The following BFAR variants were observed in gnomAD, a reference collection of about 807,000 sequenced individuals.
BFAR encodes RING finger protein 47.
In BFAR, 52 loss-of-function variants were observed where a neutral mutation model predicts 54.4. That is an observed-to-expected ratio of 0.96 (90% CI 0.77 to 1.21). The LOEUF (loss-of-function observed/expected upper bound fraction) is 1.21, where lower values mean the gene tolerates loss of function less well. BFAR is among the 50% of genes most tolerant of loss of function. The pLI, the probability that BFAR is intolerant of heterozygous loss-of-function variation, is 0.00. For missense variants in BFAR, 571 were observed against 534.0 expected (o/e 1.07, Z -0.68); for synonymous variants, 215 against 204.3 (o/e 1.05, Z -0.45).
At chr16:14,659,949 T>C (rs906232562) in intron 5 of BFAR, among the ~76,000 whole-genome samples, 1 of 152,244 alleles carries the variant, frequency 6.6e-6, no homozygotes, top group Non-Finnish European at 1.5e-5. Flanking sequence ...TAGCATCAGC[T>C]AAATTGAATG....
At chr16:14,636,947 C>T (rs549902531) in intron 1 of BFAR, among the ~76,000 whole-genome samples, 1 of 152,288 alleles carries the variant, frequency 6.6e-6, no homozygotes, top group African/African-American at 2.4e-5. Context: ...GTTGACACAG[C>T]ACGTGTTTCA....
Position 14,667,911 on chromosome 16 carries a change from TTCCTA to T in BFAR, c.*86_*90del. 2.2e-6 allele frequency: 3 copies of T among 1,377,812 alleles called. No homozygotes were observed. Among genetic ancestry groups the T allele is most frequent in the Non-Finnish European group, 3.0e-6 (3 of 990,896 alleles). 85.3% of individuals were successfully genotyped at this position (1,377,812 alleles called of 1,614,324 possible). On this transcript the variant is annotated 3_prime_UTR_variant, in exon 8 of 8. Coordinates refer to ENST00000261658, the MANE Select transcript of BFAR (RefSeq NM_016561.3). Reference sequence around the variant, plus strand: ...AAGAGGGGTGAGGCAGGGAGCGGACTTCCTATTTTCTACCCTCAGTAAAACAAGGT... The same window carrying T: ...AAGAGGGGTGAGGCAGGGAGCGGACTTTTTCTACCCTCAGTAAAACAAGGT...
rs958067792 is a variant in BFAR at position 14,665,518 on chromosome 16, T to A, written c.1160+447T>A. Among the ~76,000 whole-genome samples the A allele has an allele frequency of 1.4e-4, 22 of 152,300 alleles. No individual in the cohort carries two copies. The South Asian group carries it at 4.6e-3, about 32-fold the overall frequency. ...AATAAGGCCTTGCCAACAGAAGCCC[T>A]GTCTGTGTCTTGGATGGTAGCGAGA... On this transcript the variant is annotated intron_variant, in intron 7 of 7. Transcript: ENST00000261658.
chr16:14,659,485 C>G (rs1350825341), intron 5 of BFAR, among the ~76,000 whole-genome samples: 1 of 151,866 alleles, frequency 6.6e-6, no homozygotes, highest in Non-Finnish European at 1.5e-5. Flanking sequence ...CTCAGGCAAT[C>G]TGCCTGCATC....
At chr16:14,654,035 G>T (rs987353700) in intron 4 of BFAR, among the ~76,000 whole-genome samples, 1 of 141,644 alleles carries the variant, frequency 7.1e-6, no homozygotes, top group African/African-American at 2.7e-5. Context: ...TTTTTGAGGC[G>T]GAGTCTTGCT....
intron 1 of BFAR, among the ~76,000 whole-genome samples, chr16:14,640,023 C>T (rs868340850): frequency 5.9e-5 from 9 of 151,780 alleles, no homozygotes; most frequent in Non-Finnish European, 8.8e-5. Flanking sequence ...TGGTGGCGCA[C>T]ACCTGTAGTC....
intron 3 of BFAR, 39 bp from the exon 4 acceptor site, chr16:14,649,765 G>C (rs1186628281): frequency 6.5e-7 from 1 of 1,527,532 alleles, no homozygotes; most frequent in Admixed American, 1.9e-5. Flanking sequence ...TGGCATCTCT[G>C]CCTCTCCATG....
In BFAR at chr16:14,648,528, G is replaced by A. The variant is rs753288524; in HGVS notation, c.404G>A (p.Arg135Gln). 30 of 1,614,028 alleles carry A rather than the reference G, an allele frequency of 1.9e-5. No individual in the cohort carries two copies. Among genetic ancestry groups the A allele is most frequent in the South Asian group, 5.5e-5 (5 of 91,078 alleles). ...ATTCCTTTAGCTCCTAACACAGGCCGAGCGAATCAGCAGATGGGAGGGGGA... is the reference window on the plus strand; with the variant it reads ...ATTCCTTTAGCTCCTAACACAGGCCAAGCGAATCAGCAGATGGGAGGGGGA... ...DQIPLAPNTG[R>Q]ANQQMGGGFF... The change falls in exon 3 of 8, where the codon CGA becomes CAA. Residue 135 changes from arginine (R) to glutamine (Q), a missense_variant. Transcript: ENST00000261658.
intron 4 of BFAR, chr16:14,650,587 C>A (rs928269816): frequency 5.3e-5 from 8 of 152,184 alleles, no homozygotes; most frequent in Non-Finnish European, 1.2e-4. Flanking sequence ...TGGATTCATA[C>A]AATGCGTGGT....
chr16:14,645,615 C>G (rs1310796145), intron 2 of BFAR, among the ~76,000 whole-genome samples: 3 of 152,088 alleles, frequency 2.0e-5, no homozygotes, highest in Non-Finnish European at 4.4e-5. Context: ...TTCCATGAAC[C>G]CAACCTTTTC....
chr16:14,667,501 C>T (rs557575292), intron 7 of BFAR, 134 bp from the exon 8 acceptor site: 29 of 811,724 alleles, frequency 3.6e-5, no homozygotes, highest in African/African-American at 2.1e-4. Context: ...TCTCAGGCAC[C>T]GGGGACAGAA....
rs141995805 is a variant in BFAR at position 14,660,411 on chromosome 16, C to T, written c.784-1481C>T. ...AAGTGATTGTCCTGTCTCAGCCTCC[C>T]GAGTAGCTGGGATTACAGGCACATG... On this transcript the variant is annotated intron_variant, in intron 5 of 7. Transcript: ENST00000261658. Among the ~76,000 whole-genome samples the T allele has an allele frequency of 5.9e-3, 903 of 151,858 alleles. 11 individuals are homozygous for T. Among genetic ancestry groups the T allele is most frequent in the African/African-American group, 0.021 (855 of 41,456 alleles).
Position 14,644,369 on chromosome 16 carries a change from A to G in BFAR, c.23A>G (p.Tyr8Cys), listed in dbSNP as rs1405038950. 3 of 1,613,996 alleles carry G rather than the reference A, an allele frequency of 1.9e-6. No individual in the cohort carries two copies. Among genetic ancestry groups the G allele is most frequent in the Non-Finnish European group, 2.5e-6 (3 of 1,179,980 alleles). Residue 8 changes from tyrosine to cysteine, a missense_variant, in exon 2 of 8, where the codon TAT (tyrosine) becomes TGT (cysteine). Tyr to Cys is a radical substitution (Grantham distance 194). Transcript: ENST00000261658. MEEPQKS[Y>C]VNTMDLERDE... ...GAGATGGAGGAACCTCAGAAAAGCT[A>G]TGTGAACACAATGGACCTTGAGAGA...
chr16:14,642,915 C>T (rs538145543), intron 1 of BFAR, among the ~76,000 whole-genome samples: 1 of 152,312 alleles, frequency 6.6e-6, no homozygotes, highest in East Asian at 1.9e-4. Flanking sequence ...GTAGCTCACA[C>T]CTGTAATCCC....
intron 3 of BFAR, 48 bp downstream of exon 3, chr16:14,648,640 C>G: frequency 8.0e-7 from 1 of 1,252,850 alleles, no homozygotes; most frequent in Non-Finnish European, 1.1e-6. Context: ...CCTCACCCCC[C>G]GACCCCTGAT....
At chr16:14,665,285 C>A in intron 7 of BFAR, 8 of 535,000 alleles carry the variant, frequency 1.5e-5, no homozygotes, top group Non-Finnish European at 2.3e-5. Flanking sequence ...AAGTATTTTC[C>A]TATATGTCTT....
At chr16:14,654,982 A>T in intron 4 of BFAR, 84 bp from the exon 5 acceptor site, 3 of 1,328,070 alleles carry the variant, frequency 2.3e-6, no homozygotes, top group Non-Finnish European at 3.0e-6. Context: ...TACAATATTT[A>T]TATTAGTAAG....
intron 3 of BFAR, among the ~76,000 whole-genome samples, chr16:14,649,467 A>G (rs909172656): frequency 6.6e-6 from 1 of 152,186 alleles, no homozygotes; most frequent in Non-Finnish European, 1.5e-5. Flanking sequence ...TAAAAAATCT[A>G]AATGTTTTTC....
intron 2 of BFAR, among the ~76,000 whole-genome samples, chr16:14,647,116 G>A (rs1042812687): frequency 3.3e-5 from 5 of 151,004 alleles, no homozygotes; most frequent in Admixed American, 1.3e-4. Context: ...ACAGAGTCTC[G>A]CTCTGTTGCC....
Sources: gnomAD v4.1 joint callset for allele counts (sites outside exome capture counted in the v4.1 genomes callset) on GRCh38, gnomAD v4.1.1 for gene constraint, MANE v1.5 for transcripts, NCBI Gene and HGNC (gene_info 2026-07-23, HGNC 2026-07-21) for gene names.